The following FLT1 variants were observed in gnomAD, a reference collection of about 807,000 sequenced individuals.
FLT1 encodes fms related receptor tyrosine kinase 1.
In FLT1, 49 loss-of-function variants were observed where a neutral mutation model predicts 156.3. The ratio of observed to expected loss-of-function variants is 0.31; its 90% confidence interval spans 0.25 to 0.40. FLT1 has a LOEUF of 0.40. Among genes scored for constraint, FLT1 ranks in the 10% least tolerant of loss-of-function variants. The pLI, the probability that FLT1 is intolerant of heterozygous loss-of-function variation, is 1.00. For synonymous variants in FLT1, 594 were observed against 583.8 expected (o/e 1.02, Z -0.25); for missense variants, 1,322 against 1,637.2 (o/e 0.81, Z 3.32).
chr13:28,307,468 G>T lies in FLT1; in HGVS notation c.3721-696C>A, dbSNP rs76224775. ...CTGATTTAGGGTGGGGAGGGTGAAG[G>T]TTGAGAATTCTTTCACGTTTTGCTC... On this transcript the variant is annotated intron_variant, in intron 28 of 29. Coordinates refer to ENST00000282397, the MANE Select transcript of FLT1 (RefSeq NM_002019.4). Among the ~76,000 whole-genome samples, 495 of 152,170 alleles carry T rather than the reference G, an allele frequency of 3.3e-3. 2 individuals are homozygous for T. Among genetic ancestry groups the T allele is most frequent in the African/African-American group, 0.011 (477 of 41,494 alleles).
chr13:28,484,293 G>A lies in FLT1; in HGVS notation c.64+10487C>T, dbSNP rs543543653. Among the ~76,000 whole-genome samples the A allele has an allele frequency of 1.4e-4, 22 of 152,340 alleles. No homozygotes were observed. In the East Asian group the frequency reaches 3.9e-3, roughly 27 times the overall value. Reference sequence around the variant, plus strand: ...ATCTGAAAGGTGCAGAGGAGCCCACGTTGGATTCCTGGAAACCATCTGTGA... The same window carrying A: ...ATCTGAAAGGTGCAGAGGAGCCCACATTGGATTCCTGGAAACCATCTGTGA... On this transcript the variant is annotated intron_variant, in intron 1 of 29. Transcript: ENST00000282397.
Position 28,480,945 on chromosome 13 carries a change from C to T in FLT1, c.65-13328G>A, listed in dbSNP as rs536012792. On this transcript the variant is annotated intron_variant, in intron 1 of 29. Transcript: ENST00000282397. ...TGAATGAGGACTGTCAGATGTGATGCGTTAGCCAGGACTTCATGTTCTTAA... is the reference window on the plus strand; with the variant it reads ...TGAATGAGGACTGTCAGATGTGATGTGTTAGCCAGGACTTCATGTTCTTAA... Among the ~76,000 whole-genome samples the T allele has an allele frequency of 3.3e-5, 5 of 152,300 alleles. No individual in the cohort carries two copies. In the South Asian group the frequency reaches 8.3e-4, roughly 25 times the overall value.
At chr13:28,344,409 A>G (rs1872479430) in intron 16 of FLT1, among the ~76,000 whole-genome samples, 1 of 151,864 alleles carries the variant, frequency 6.6e-6, no homozygotes, top group Admixed American at 6.6e-5. Flanking sequence ...TTAGGCAGCT[A>G]CTCTTTCAGC....
chr13:28,390,203 C>T (rs1874625042), intron 12 of FLT1, 99 bp from the exon 13 acceptor site: 21 of 1,490,702 alleles, frequency 1.4e-5, no homozygotes, highest in Non-Finnish European at 1.9e-5. Flanking sequence ...CAAATTATCT[C>T]AGTATCCACA....
chr13:28,383,832 AAAAC>A (rs780456487), intron 14 of FLT1, among the ~76,000 whole-genome samples: 40 of 152,276 alleles, frequency 2.6e-4, no homozygotes, highest in Admixed American at 1.2e-3. Context: ...ACTGTCTCAA[AAAAC>A]AAACAAACAA....
chr13:28,493,890 A>G (rs1433550447), intron 1 of FLT1, among the ~76,000 whole-genome samples: 1 of 152,186 alleles, frequency 6.6e-6, no homozygotes, highest in East Asian at 1.9e-4. Context: ...TCCTCAAACC[A>G]CATCGTTTGG....
chr13:28,421,675 G>T (rs1334459894), intron 10 of FLT1, among the ~76,000 whole-genome samples: 1 of 152,102 alleles, frequency 6.6e-6, no homozygotes, highest in Non-Finnish European at 1.5e-5. Context: ...ATTTGTTACC[G>T]ATCCTCAGAG....
At chr13:28,394,710 C>T (rs1035715923) in intron 12 of FLT1, among the ~76,000 whole-genome samples, 1 of 152,118 alleles carries the variant, frequency 6.6e-6, no homozygotes, top group African/African-American at 2.4e-5. Context: ...CTGTTCTGGT[C>T]GCAGCTCTTC....
chr13:28,312,173 G>C, intron 25 of FLT1, 75 bp from the exon 26 acceptor site: 1 of 915,676 alleles, frequency 1.1e-6, no homozygotes, highest in South Asian at 1.3e-5. Context: ...TACTACAAAG[G>C]GAGGGCTGTC....
chr13:28,321,069 CTG>C (rs1871438263), intron 23 of FLT1, among the ~76,000 whole-genome samples: 1 of 152,172 alleles, frequency 6.6e-6, no homozygotes, highest in African/African-American at 2.4e-5. Flanking sequence ...ACAGATACAC[CTG>C]CTGAATCAAT....
At chr13:28,403,178 G>A (rs1216302800) in intron 11 of FLT1, among the ~76,000 whole-genome samples, 1 of 152,114 alleles carries the variant, frequency 6.6e-6, no homozygotes, top group Non-Finnish European at 1.5e-5. Flanking sequence ...TTGGAGGAAA[G>A]AACTCAAGCT....
chr13:28,480,394 A>C (rs1372225778), intron 1 of FLT1, among the ~76,000 whole-genome samples: 1 of 152,248 alleles, frequency 6.6e-6, no homozygotes, highest in African/African-American at 2.4e-5. Context: ...ATATAGATAT[A>C]TATGTAATGA....
At chr13:28,405,707 A>G in intron 11 of FLT1, 73 bp downstream of exon 11, 1 of 896,338 alleles carries the variant, frequency 1.1e-6, no homozygotes, top group Non-Finnish European at 1.9e-6. Context: ...TCTGGTGCCA[A>G]TAAACCTAGA....
chr13:28,413,217 C>T (rs1439750155), intron 10 of FLT1, among the ~76,000 whole-genome samples: 2 of 152,076 alleles, frequency 1.3e-5, no homozygotes, highest in African/African-American at 2.4e-5. Context: ...AGAGCTTTTC[C>T]GTGAGCGTCT....
chr13:28,447,150 T>C (rs995413986), intron 3 of FLT1, among the ~76,000 whole-genome samples: 1 of 137,344 alleles, frequency 7.3e-6, no homozygotes, highest in African/African-American at 2.6e-5. Flanking sequence ...AATATATATT[T>C]TATAGTTATA....
intron 10 of FLT1, among the ~76,000 whole-genome samples, chr13:28,419,402 C>G (rs1456868770): frequency 1.3e-5 from 2 of 152,178 alleles, no homozygotes. Context: ...GATCTTGTGT[C>G]AGGACATTAG....
intron 24 of FLT1, among the ~76,000 whole-genome samples, chr13:28,318,558 G>A (rs868088945): frequency 3.9e-5 from 6 of 152,304 alleles, no homozygotes; most frequent in Middle Eastern, 3.4e-3. Context: ...GCAGCTGGGA[G>A]GCGTGCAGTG....
At chr13:28,405,306 T>C (rs1415309461) in intron 11 of FLT1, among the ~76,000 whole-genome samples, 9 of 152,184 alleles carry the variant, frequency 5.9e-5, no homozygotes, top group African/African-American at 1.2e-4. Flanking sequence ...GGGAAATACA[T>C]GATATTTCAC....
chr13:28,362,678 C>A (rs1347695689), intron 14 of FLT1, among the ~76,000 whole-genome samples: 1 of 151,996 alleles, frequency 6.6e-6, no homozygotes, highest in African/African-American at 2.4e-5. Flanking sequence ...AAAACAACAA[C>A]AACAAAAAAC....
Sources: gnomAD v4.1 joint callset for allele counts (sites outside exome capture counted in the v4.1 genomes callset) on GRCh38, gnomAD v4.1.1 for gene constraint, MANE v1.5 for transcripts, NCBI Gene and HGNC (gene_info 2026-07-23, HGNC 2026-07-21) for gene names.